Variants in ARL15 observed in about 807,000 individuals in gnomAD.
The protein encoded by ARL15 is ADP-ribosylation factor-like protein 15.
Under a neutral mutation model 25.2 loss-of-function variants are expected in ARL15, and 19 were observed. That is an observed-to-expected ratio of 0.75 (90% CI 0.53 to 1.10). ARL15 has a LOEUF of 1.10. ARL15 is among the 50% of genes least tolerant of loss of function. The probability of loss-of-function intolerance (pLI) is 0.00; values close to 1 mark genes in which losing one functional copy is unlikely to be tolerated. For missense variants in ARL15, 220 were observed against 246.0 expected (o/e 0.89, Z 0.71); for synonymous variants, 94 against 86.8 (o/e 1.08, Z -0.46).
intron 4 of ARL15, among the ~76,000 whole-genome samples, chr5:54,015,303 A>C (rs954195692): frequency 1.3e-5 from 2 of 151,804 alleles, no homozygotes; most frequent in African/African-American, 2.4e-5. Context: ...AAAAAAAAAA[A>C]AACAAAAACA....
chr5:54,073,095 G>T (rs1412237354), intron 4 of ARL15, among the ~76,000 whole-genome samples: 1 of 152,138 alleles, frequency 6.6e-6, no homozygotes, highest in Non-Finnish European at 1.5e-5. Flanking sequence ...TCAAAAGATT[G>T]TTGATAAAAA....
intron 1 of ARL15, among the ~76,000 whole-genome samples, chr5:54,277,864 T>C (rs1315992407): frequency 1.3e-5 from 2 of 152,204 alleles, no homozygotes; most frequent in Non-Finnish European, 2.9e-5. Context: ...ATTCCCCTGG[T>C]ATTATTTAGT....
At chr5:54,153,704 C>T (rs1236845745) in intron 3 of ARL15, among the ~76,000 whole-genome samples, 1 of 152,078 alleles carries the variant, frequency 6.6e-6, no homozygotes, top group Admixed American at 6.6e-5. Context: ...AAAGATCAGC[C>T]AGTTTTTTAT....
chr5:53,968,682 T>G (rs979786682), intron 4 of ARL15, among the ~76,000 whole-genome samples: 1 of 151,938 alleles, frequency 6.6e-6, no homozygotes, highest in Admixed American at 6.5e-5. Flanking sequence ...TCATTCATTT[T>G]GTATTTTTAG....
chr5:54,147,284 G>C (rs1299044071), intron 3 of ARL15, among the ~76,000 whole-genome samples: 1 of 151,972 alleles, frequency 6.6e-6, no homozygotes, highest in Non-Finnish European at 1.5e-5. Flanking sequence ...CTAGATCCAT[G>C]ACTATAAAAA....
intron 4 of ARL15, among the ~76,000 whole-genome samples, chr5:53,964,293 A>G (rs1364430939): frequency 6.6e-6 from 1 of 152,194 alleles, no homozygotes; most frequent in Non-Finnish European, 1.5e-5. Flanking sequence ...GTTTAAAAAA[A>G]TTAGTATCTT....
intron 3 of ARL15, among the ~76,000 whole-genome samples, chr5:54,122,829 G>A (rs1178513970): frequency 1.3e-5 from 2 of 152,148 alleles, no homozygotes; most frequent in East Asian, 3.9e-4. Context: ...CACAGCTTTT[G>A]CTTAAGCATT....
At chr5:54,145,627 C>T (rs1056964148) in intron 3 of ARL15, among the ~76,000 whole-genome samples, 17 of 151,552 alleles carry the variant, frequency 1.1e-4, no homozygotes, top group South Asian at 2.1e-4. Flanking sequence ...TGTGTGTGTG[C>T]GTGCGTGTGT....
chr5:54,183,633 C>T (rs1325714910), intron 1 of ARL15, among the ~76,000 whole-genome samples: 1 of 151,576 alleles, frequency 6.6e-6, no homozygotes, highest in South Asian at 2.1e-4. Context: ...GAAATAGGAA[C>T]ACTCTTACAC....
chr5:53,947,436 A>C (rs1459727647), intron 4 of ARL15, among the ~76,000 whole-genome samples: 1 of 152,176 alleles, frequency 6.6e-6, no homozygotes, highest in African/African-American at 2.4e-5. Context: ...CTAATCAAAC[A>C]AATGGCTTGC....
chr5:53,907,484 A>ATTTTTTTTTTTT (rs1561143900), intron 4 of ARL15, among the ~76,000 whole-genome samples: 1 of 26,398 alleles, frequency 3.8e-5, no homozygotes, highest in African/African-American at 1.9e-4. Context: ...ATATATATAT[A>ATTTTTTTTTTTT]TATATTTTTT....
intron 4 of ARL15, among the ~76,000 whole-genome samples, chr5:53,991,768 T>C (rs788594): frequency 0.48 from 73,067 of 151,758 alleles, 17,950 homozygotes; most frequent in Middle Eastern, 0.57. Flanking sequence ...TCCCACGTAG[T>C]GGGAGAGTGA....
At chr5:54,189,305 C>T (rs1043110309) in intron 1 of ARL15, among the ~76,000 whole-genome samples, 4 of 151,956 alleles carry the variant, frequency 2.6e-5, no homozygotes, top group African/African-American at 9.7e-5. Flanking sequence ...TAAAAAAGCC[C>T]ATCCTAAAAT....
intron 1 of ARL15, among the ~76,000 whole-genome samples, chr5:54,186,279 T>C (rs970126384): frequency 1.3e-5 from 2 of 152,190 alleles, no homozygotes; most frequent in African/African-American, 4.8e-5. Flanking sequence ...AAATGCTATC[T>C]CGCCTCACAC....
intron 1 of ARL15, among the ~76,000 whole-genome samples, chr5:54,259,245 T>C (rs777005478): frequency 6.6e-6 from 1 of 152,082 alleles, no homozygotes; most frequent in Non-Finnish European, 1.5e-5. Context: ...CACATACTCA[T>C]ATATGCACAC....
At chr5:54,057,179 T>C (rs1453282011) in intron 4 of ARL15, among the ~76,000 whole-genome samples, 1 of 152,156 alleles carries the variant, frequency 6.6e-6, no homozygotes, top group Non-Finnish European at 1.5e-5. Context: ...TACAATAATG[T>C]AGGATATTTA....
Position 54,136,869 on chromosome 5 carries a change from GTT to G in ARL15, c.253+17709_253+17710del, listed in dbSNP as rs760461874. On this transcript the variant is annotated intron_variant, in intron 3 of 4. Transcript: ENST00000504924. The stretch of plus-strand genomic sequence containing the variant: ...AAGCTAGACAGGACAGTCTGCCTGG[GTT>G]TTTTTTTTTTTTTTAGTTTAGTTCA... Among the ~76,000 whole-genome samples the G allele has an allele frequency of 1.9e-3, 260 of 138,088 alleles. 2 individuals are homozygous for G. Among genetic ancestry groups the G allele is most frequent in the Admixed American group, 8.9e-3 (123 of 13,824 alleles). 90.6% of individuals were successfully genotyped at this position (138,088 alleles called of 152,430 possible).
intron 4 of ARL15, among the ~76,000 whole-genome samples, chr5:53,917,439 C>G (rs1745688918): frequency 6.6e-6 from 1 of 152,056 alleles, no homozygotes; most frequent in South Asian, 2.1e-4. Flanking sequence ...TGAGAATGTT[C>G]CCTCAATCCC....
intron 1 of ARL15, among the ~76,000 whole-genome samples, chr5:54,242,831 A>G (rs1052816364): frequency 6.6e-6 from 1 of 152,220 alleles, no homozygotes; most frequent in Non-Finnish European, 1.5e-5. Context: ...GCAAACAAAA[A>G]TTATAACGAA....
Sources: allele counts gnomAD v4.1 joint callset (sites outside exome capture counted in the v4.1 genomes callset), GRCh38; gene constraint gnomAD v4.1.1; transcripts MANE v1.5; gene names NCBI Gene and HGNC (gene_info 2026-07-23, HGNC 2026-07-21).